Variants in POLN observed in about 807,000 individuals in gnomAD.
POLN encodes DNA polymerase N.
In POLN, 108 loss-of-function variants were observed where a neutral mutation model predicts 113.5. The ratio of observed to expected loss-of-function variants is 0.95; its 90% CI spans 0.81 to 1.12. The LOEUF (loss-of-function observed/expected upper bound fraction) is 1.12, where lower values mean the gene tolerates loss of function less well. POLN is among the 50% of genes most tolerant of loss of function. POLN has a pLI of 0.00. For missense variants in POLN, 1,097 were observed against 1,077.1 expected (o/e 1.02, Z -0.26); for synonymous variants, 386 against 391.5 (o/e 0.99, Z 0.17).
At chr4:2,159,096 G>A (rs369141783) in intron 14 of POLN, 59 bp downstream of exon 14, 35 of 1,251,056 alleles carry the variant, frequency 2.8e-5, no homozygotes, top group South Asian at 4.8e-5. Context: ...GACAGACACA[G>A]GGCCATATGG....
At position 2,126,594 on chromosome 4, in the gene POLN, CGGAGACCAGAGAGGAGT is replaced by C. The variant is rs1165891627; in HGVS notation, c.1982+1502_1982+1518del. Among the ~76,000 whole-genome samples the C allele has an allele frequency of 3.4e-4, 51 of 151,814 alleles. No homozygotes were observed. Among genetic ancestry groups the C allele is most frequent in the East Asian group, 9.7e-4 (5 of 5,156 alleles). Reference sequence around the variant, plus strand: ...GAGAGGAGCGGAGACCAGAGAGAAGCGGAGACCAGAGAGGAGTGGAGACCAGAGAGGAGTGGAGACCA... The same window carrying C: ...GAGAGGAGCGGAGACCAGAGAGAAGCGGAGACCAGAGAGGAGTGGAGACCA... On this transcript the variant is annotated intron_variant, in intron 19 of 25. Transcript: ENST00000511885. This position sits in a 1 kb window ranked among gnomAD's most constrained non-coding sequence, Gnocchi z 4.6.
chr4:2,108,868 G>A (rs1390283322), intron 19 of POLN, among the ~76,000 whole-genome samples: 5 of 151,938 alleles, frequency 3.3e-5, no homozygotes, highest in South Asian at 2.1e-4. Flanking sequence ...TGACAAAATC[G>A]CTATGGTCCT....
chr4:2,158,039 C>T (rs1732481447), intron 14 of POLN, 128 bp from the exon 15 acceptor site: 4 of 519,488 alleles, frequency 7.7e-6, no homozygotes, highest in East Asian at 3.5e-5. Context: ...GCAACTTCTG[C>T]CTCCTGGGGT....
chr4:2,129,207 TG>T lies in POLN; in HGVS notation c.1838del (p.Ser613TyrfsTer8). On this transcript the variant is annotated frameshift_variant, in exon 18 of 26. Coordinates refer to ENST00000511885, the MANE Select transcript of POLN (RefSeq NM_181808.4). LOFTEE classifies it high-confidence loss of function. ...LTISPRAMFV[S>X]SKGHTFLAAD... ...CTGCTAGAAAGGTGTGGCCTTTGGA[TG>T]AAACAAACATGGCCCTCGGGGAGAT... 6.2e-7 allele frequency: 1 copy of T among 1,601,044 alleles called. No homozygotes were observed. The highest frequency in any genetic ancestry group is 8.6e-7 in the Non-Finnish European group (1 of 1,168,202).
At chr4:2,192,225 C>A (rs978030120) in intron 7 of POLN, among the ~76,000 whole-genome samples, 29 of 151,430 alleles carry the variant, frequency 1.9e-4, no homozygotes, top group African/African-American at 6.8e-4. Flanking sequence ...CTTTTTCCAA[C>A]ATTTATTATG....
chr4:2,173,957 CAAG>C lies in POLN; in HGVS notation c.1369_1371del (p.Leu457del). The C allele has an allele frequency of 6.2e-7, 1 of 1,614,042 alleles. No homozygotes were observed. The highest frequency in any genetic ancestry group is 8.5e-7 in the Non-Finnish European group (1 of 1,179,892). On this transcript the variant is annotated inframe_deletion, in exon 11 of 26. Coordinates refer to ENST00000511885, the MANE Select transcript of POLN (RefSeq NM_181808.4). ...AACCATCTGGAATAATAACTTACCC[CAAG>C]AAGTGCTGACGTCTTCTCCATCTCC...
chr4:2,161,413 G>A (rs1281807561), intron 13 of POLN, among the ~76,000 whole-genome samples: 1 of 152,232 alleles, frequency 6.6e-6, no homozygotes. Context: ...TAGCACCCAG[G>A]CCAGCGGCTG....
intron 19 of POLN, among the ~76,000 whole-genome samples, chr4:2,101,925 T>G (rs1296723492): frequency 1.3e-5 from 2 of 152,104 alleles, no homozygotes; most frequent in Non-Finnish European, 2.9e-5. Flanking sequence ...GTGGGTTAGA[T>G]GTGAGCTGCC....
rs574457217 is a variant in POLN, at chr4:2,081,232, G to A, written c.2309-196C>T. The A allele has an allele frequency of 3.0e-5, 46 of 1,524,202 alleles. No individual in the cohort carries two copies. The South Asian group carries it at 4.9e-4, about 16-fold the overall frequency. 94.4% of individuals were successfully genotyped at this position (1,524,202 alleles called of 1,614,324 possible). On this transcript the variant is annotated intron_variant, in intron 22 of 25. Coordinates refer to ENST00000511885, the MANE Select transcript of POLN (RefSeq NM_181808.4). ...TCCTCCCGCCCTCTTGCTCCTGCAG[G>A]GCACCTGGGTTTTGGGTGCCTTACT...
chr4:2,189,435 C>T (rs1000943161), intron 7 of POLN, among the ~76,000 whole-genome samples: 1 of 151,126 alleles, frequency 6.6e-6, no homozygotes, highest in Non-Finnish European at 1.5e-5. Flanking sequence ...GTCAGGAGAA[C>T]GAGACCATCC....
In POLN at chr4:2,079,701, C is replaced by G. The variant is rs1321028488; in HGVS notation, c.2387+1257G>C. On this transcript the variant is annotated intron_variant, in intron 23 of 25. Coordinates refer to ENST00000511885, the MANE Select transcript of POLN (RefSeq NM_181808.4). ...CTGGGTTCAAGCGATCCTCCTGCCTCAGCCTCCTGAGTAGCTGGGATTACA... is the reference window on the plus strand; with the variant it reads ...CTGGGTTCAAGCGATCCTCCTGCCTGAGCCTCCTGAGTAGCTGGGATTACA... The G allele has an allele frequency of 3.6e-6, 3 of 829,100 alleles. No individual in the cohort carries two copies. The African/African-American group carries it at 5.6e-5, about 15-fold the overall frequency. 51.4% of individuals were successfully genotyped at this position (829,100 alleles called of 1,614,324 possible).
chr4:2,241,603 G>C lies in POLN; in HGVS notation c.-96C>G, dbSNP rs1734991077. 1 of 985,616 alleles carries C rather than the reference G, an allele frequency of 1.0e-6. No individual in the cohort carries two copies. Among genetic ancestry groups the C allele is most frequent in the Non-Finnish European group, 1.2e-6 (1 of 830,092 alleles). The allele number at this position is 985,616 out of a possible 1,614,324, so 61.1% of individuals were successfully genotyped here. On this transcript the variant is annotated 5_prime_UTR_variant, in exon 2 of 26. Coordinates refer to ENST00000511885, the MANE Select transcript of POLN (RefSeq NM_181808.4). ...CAGCAGGAGCAGCAGGGAAGCGCGC[G>C]GCCACAATTAAGGGTGCTTCGGGCC...
intron 19 of POLN, among the ~76,000 whole-genome samples, chr4:2,105,780 G>A (rs1199299568): frequency 1.3e-5 from 2 of 151,552 alleles, no homozygotes; most frequent in Non-Finnish European, 2.9e-5. Context: ...AGTCTGTCCA[G>A]GAGCCCACTC....
At chr4:2,215,255 C>T (rs952567968) in intron 3 of POLN, among the ~76,000 whole-genome samples, 1 of 152,078 alleles carries the variant, frequency 6.6e-6, no homozygotes, top group African/African-American at 2.4e-5. Context: ...GAAAATGACT[C>T]CAGCTATAGT....
intron 7 of POLN, among the ~76,000 whole-genome samples, chr4:2,187,369 G>A (rs150281736): frequency 3.9e-5 from 6 of 152,166 alleles, no homozygotes; most frequent in Admixed American, 6.5e-5. Context: ...TCAGCCTCCC[G>A]AGTATCTGGG....
In POLN at chr4:2,081,662, T is replaced by G. The variant is rs770489941; in HGVS notation, c.2279A>C (p.Glu760Ala). Reference protein sequence around the residue: ...AHDQQLRAQAERQAVNFVVQG... With the variant: ...AHDQQLRAQAARQAVNFVVQG... ...CACCACGAAGTTCACTGCCTGTCGC[T>G]CTGCTTGTGCCCGGAGTTGCTGGTC... is the stretch of plus-strand genomic sequence containing the variant. Residue 760 changes from glutamate to alanine, a missense_variant, in exon 22 of 26, where the codon GAG becomes GCG. Coordinates refer to ENST00000511885, the MANE Select transcript of POLN (RefSeq NM_181808.4). 45 of 1,614,218 alleles carry G rather than the reference T, an allele frequency of 2.8e-5. No homozygotes were observed. Among genetic ancestry groups the G allele is most frequent in the Non-Finnish European group, 3.6e-5 (43 of 1,180,038 alleles).
chr4:2,129,575 A>G lies in POLN; in HGVS notation c.1790-319T>C, dbSNP rs944499705. ...CAGCTGATTTTAAAATTTCTTGTAGAGACAGGGTCTCACTATGTTGCCCAG... is the reference window on the plus strand; with the variant it reads ...CAGCTGATTTTAAAATTTCTTGTAGGGACAGGGTCTCACTATGTTGCCCAG... On this transcript the variant is annotated intron_variant, in intron 17 of 25. Coordinates refer to ENST00000511885, the MANE Select transcript of POLN (RefSeq NM_181808.4). Among the ~76,000 whole-genome samples the G allele has an allele frequency of 4.6e-5, 7 of 151,860 alleles. No individual in the cohort carries two copies. In the East Asian group the frequency reaches 1.4e-3, roughly 29 times the overall value.
Position 2,090,339 on chromosome 4 carries a change from C to G in POLN, c.2066-4595G>C, listed in dbSNP as rs556218120. 5.7e-5 allele frequency: 45 copies of G among 785,940 alleles called. No homozygotes were observed. The African/African-American group carries it at 7.4e-4, about 13-fold the overall frequency. The allele number at this position is 785,940 out of a possible 1,614,324, so 48.7% of individuals were successfully genotyped here. ...CAATATTTCATCTGGCACAGCATCT[C>G]CAAGTACTTTCTCTCATGTGATCAA... On this transcript the variant is annotated intron_variant, in intron 20 of 25. Coordinates refer to ENST00000511885, the MANE Select transcript of POLN (RefSeq NM_181808.4).
chr4:2,177,040 T>C (rs575357355), intron 8 of POLN, among the ~76,000 whole-genome samples: 2 of 152,278 alleles, frequency 1.3e-5, no homozygotes, highest in South Asian at 4.1e-4. Flanking sequence ...CACCTTGGCA[T>C]TGTTTTCTAG....
Sources: gnomAD v4.1 joint callset for allele counts (sites outside exome capture counted in the v4.1 genomes callset) on GRCh38, gnomAD v4.1.1 for gene constraint, Gnocchi (gnomAD v3.1) non-coding constraint, MANE v1.5 for transcripts, NCBI Gene and HGNC (gene_info 2026-07-23, HGNC 2026-07-21) for gene names.